SS18: variants seen among roughly 807,000 people sequenced by gnomAD.
SS18 encodes the protein SS18 subunit of BAF chromatin remodeling complex, also known as protein SSXT.
A neutral mutation model predicts 72.5 loss-of-function variants in SS18; 28 were observed. The ratio of observed to expected loss-of-function variants is 0.39; its 90% confidence interval spans 0.29 to 0.53. SS18 has a LOEUF of 0.53. Among genes scored for constraint, SS18 ranks in the 20% least tolerant of loss-of-function variants. SS18 has a pLI of 0.76. For synonymous variants in SS18, 172 were observed against 164.2 expected (o/e 1.05, Z -0.37); for missense variants, 518 against 535.3 (o/e 0.97, Z 0.32).
intron 5 of SS18, among the ~76,000 whole-genome samples, chr18:26,042,057 A>T (rs1455969053): frequency 6.6e-6 from 1 of 152,194 alleles, no homozygotes; most frequent in Non-Finnish European, 1.5e-5. Context: ...AAAGAAAAAA[A>T]AAATTATGAC....
At chr18:26,072,548 A>G (rs2054330712) in intron 3 of SS18, among the ~76,000 whole-genome samples, 1 of 152,142 alleles carries the variant, frequency 6.6e-6, no homozygotes, top group Admixed American at 6.5e-5. Context: ...GGCGGCGCGC[A>G]GCACTTTGGG....
intron 2 of SS18, chr18:26,085,854 G>A (rs1372629071): frequency 1.3e-5 from 2 of 152,116 alleles, no homozygotes; most frequent in Non-Finnish European, 1.5e-5. Context: ...GACAGCAAGA[G>A]ACCAATACAA....
At chr18:26,029,093 G>A (rs2053500783) in intron 10 of SS18, among the ~76,000 whole-genome samples, 1 of 152,160 alleles carries the variant, frequency 6.6e-6, no homozygotes, top group South Asian at 2.1e-4. Context: ...CATTCAGGCA[G>A]AAAAAGGGGC....
intron 4 of SS18, among the ~76,000 whole-genome samples, chr18:26,056,347 A>G (rs111646046): frequency 7.9e-4 from 121 of 152,326 alleles, no homozygotes; most frequent in Admixed American, 1.8e-3. Context: ...CAGTTCTAAA[A>G]ACAGTGTGTC....
intron 9 of SS18, among the ~76,000 whole-genome samples, chr18:26,033,651 T>C (rs938483988): frequency 1.4e-5 from 2 of 146,172 alleles, no homozygotes; most frequent in African/African-American, 5.6e-5. Flanking sequence ...AAATAAATTA[T>C]ATCAGCCTAT....
chr18:26,059,938 C>T (rs1401313453), intron 3 of SS18, among the ~76,000 whole-genome samples: 1 of 152,204 alleles, frequency 6.6e-6, no homozygotes, highest in African/African-American at 2.4e-5. Flanking sequence ...TTGCAACTCT[C>T]ATATATGCTG....
intron 2 of SS18, among the ~76,000 whole-genome samples, chr18:26,084,513 C>T (rs1568034835): frequency 6.6e-6 from 1 of 152,070 alleles, no homozygotes; most frequent in Non-Finnish European, 1.5e-5. Context: ...TTATGGTGAA[C>T]AAACCATAAA....
intron 3 of SS18, among the ~76,000 whole-genome samples, chr18:26,074,838 T>C (rs554807865): frequency 6.6e-6 from 1 of 151,866 alleles, no homozygotes; most frequent in East Asian, 1.9e-4. Context: ...AAACCCATAA[T>C]AAACATCTGG....
intron 3 of SS18, among the ~76,000 whole-genome samples, chr18:26,066,228 C>T (rs540939146): frequency 6.6e-6 from 1 of 151,630 alleles, no homozygotes; most frequent in Non-Finnish European, 1.5e-5. Context: ...TTACTGGAGC[C>T]CCCAATCATC....
At chr18:26,038,511 A>T in intron 7 of SS18, 44 bp downstream of exon 7, 1 of 1,498,218 alleles carries the variant, frequency 6.7e-7, no homozygotes, top group Non-Finnish European at 9.3e-7. Context: ...CATTAATATT[A>T]GGCAGGGATA....
intron 5 of SS18, among the ~76,000 whole-genome samples, chr18:26,040,843 A>T (rs142429146): frequency 1.0e-3 from 154 of 152,312 alleles, no homozygotes; most frequent in Middle Eastern, 3.4e-3. Flanking sequence ...AAGGAAATAC[A>T]GTCTTAGTAG....
At chr18:26,053,548 G>A (rs2053960356) in intron 4 of SS18, among the ~76,000 whole-genome samples, 1 of 151,712 alleles carries the variant, frequency 6.6e-6, no homozygotes. Flanking sequence ...AGGTAAATAA[G>A]AAAATATTAT....
At chr18:26,081,935 G>A (rs895204784) in intron 2 of SS18, among the ~76,000 whole-genome samples, 3 of 152,076 alleles carry the variant, frequency 2.0e-5, no homozygotes, top group Admixed American at 2.0e-4. Flanking sequence ...GCACGCACCT[G>A]TAGTCCCTGC....
intron 3 of SS18, among the ~76,000 whole-genome samples, chr18:26,068,946 C>T (rs111898808): frequency 0.015 from 2,321 of 152,256 alleles, 64 homozygotes; most frequent in African/African-American, 0.053. Flanking sequence ...GCAGTACTCA[C>T]AATGAATTAA....
At chr18:26,073,406 A>G (rs556609849) in intron 3 of SS18, among the ~76,000 whole-genome samples, 1 of 152,352 alleles carries the variant, frequency 6.6e-6, no homozygotes, top group African/African-American at 2.4e-5. Context: ...AAAAAAATAT[A>G]CCAAAAGAAA....
At chr18:26,078,323 A>G (rs2054454103) in intron 2 of SS18, 163 bp from the exon 3 acceptor site, 3 of 513,118 alleles carry the variant, frequency 5.8e-6, no homozygotes, top group Non-Finnish European at 6.8e-6. Context: ...CAAATAATAA[A>G]TATTTAAATA....
intron 3 of SS18, among the ~76,000 whole-genome samples, chr18:26,059,719 C>A (rs2144031865): frequency 6.6e-6 from 1 of 152,336 alleles, no homozygotes; most frequent in South Asian, 2.1e-4. Context: ...TAGTACTTCA[C>A]ATACCAAAGG....
chr18:26,079,805 T>C (rs2054483719), intron 2 of SS18, among the ~76,000 whole-genome samples: 1 of 152,080 alleles, frequency 6.6e-6, no homozygotes, highest in Non-Finnish European at 1.5e-5. Flanking sequence ...GCTCTCAAAC[T>C]CCTGAGCTCA....
At chr18:26,063,386 G>A (rs1012195891) in intron 3 of SS18, among the ~76,000 whole-genome samples, 2 of 152,264 alleles carry the variant, frequency 1.3e-5, no homozygotes, top group Admixed American at 1.3e-4. Context: ...AGGCGTGGTG[G>A]CGGGCGCCTG....
Sources: gnomAD v4.1 joint callset for allele counts (sites outside exome capture counted in the v4.1 genomes callset) on GRCh38, gnomAD v4.1.1 for gene constraint, MANE v1.5 for transcripts, NCBI Gene and HGNC (gene_info 2026-07-23, HGNC 2026-07-21) for gene names.